The following FGF12 variants were observed in gnomAD, a reference collection of about 807,000 sequenced individuals.
The protein encoded by FGF12 is fibroblast growth factor 12B.
Under a neutral mutation model 23.6 loss-of-function variants are expected in FGF12, and 14 were observed. The observed-to-expected ratio is 0.59, with a 90% confidence interval of 0.39 to 0.93. FGF12 has a LOEUF of 0.93. Among genes scored for constraint, FGF12 ranks in the 40% least tolerant of loss-of-function variants. The probability of loss-of-function intolerance (pLI) is 0.00; values close to 1 mark genes in which losing one functional copy is unlikely to be tolerated. For missense variants in FGF12, 175 were observed against 217.8 expected (o/e 0.80, Z 1.24); for synonymous variants, 62 against 77.3 (o/e 0.80, Z 1.04).
chr3:192,498,668 T>C (rs1337184314), intron 2 of FGF12, among the ~76,000 whole-genome samples: 1 of 151,986 alleles, frequency 6.6e-6, no homozygotes, highest in African/African-American at 2.4e-5. Context: ...TGATTGAGTA[T>C]ATATTTGCTC....
At chr3:192,158,367 T>TTTCTTTCC (rs1714594201) in intron 5 of FGF12, among the ~76,000 whole-genome samples, 1 of 122,430 alleles carries the variant, frequency 8.2e-6, no homozygotes, top group African/African-American at 3.2e-5. Context: ...TCTTTCTTTC[T>TTTCTTTCC]TTCTTTCTTT....
chr3:192,449,508 G>A (rs1722460190), intron 2 of FGF12, among the ~76,000 whole-genome samples: 2 of 152,128 alleles, frequency 1.3e-5, no homozygotes, highest in Non-Finnish European at 2.9e-5. Flanking sequence ...ACCTGCCAGG[G>A]CTCACTTCCT....
At chr3:192,492,297 T>C (rs1441637525) in intron 2 of FGF12, among the ~76,000 whole-genome samples, 1 of 152,194 alleles carries the variant, frequency 6.6e-6, no homozygotes, top group Non-Finnish European at 1.5e-5. Context: ...GATTCATTCA[T>C]GTTTCTAACA....
intron 2 of FGF12, among the ~76,000 whole-genome samples, chr3:192,433,613 A>ACT (rs1265844437): frequency 6.6e-6 from 1 of 152,192 alleles, no homozygotes; most frequent in African/African-American, 2.4e-5. Flanking sequence ...CTCCAATGTG[A>ACT]CTAACTTATT....
At chr3:192,568,511 T>G (rs1254984110) in intron 2 of FGF12, among the ~76,000 whole-genome samples, 1 of 152,112 alleles carries the variant, frequency 6.6e-6, no homozygotes, top group Non-Finnish European at 1.5e-5. Context: ...GACCAGCCAA[T>G]GGTCACAGTC....
chr3:192,296,228 ATT>A (rs111520545), intron 4 of FGF12, among the ~76,000 whole-genome samples: 2 of 132,998 alleles, frequency 1.5e-5, no homozygotes, highest in African/African-American at 2.9e-5. Context: ...ATTTTATTTT[ATT>A]TTTTTTTTTT....
At chr3:192,560,680 A>G (rs1711983033) in intron 2 of FGF12, among the ~76,000 whole-genome samples, 1 of 152,186 alleles carries the variant, frequency 6.6e-6, no homozygotes, top group African/African-American at 2.4e-5. Context: ...TTTGTAAATT[A>G]AAAACCTTCT....
At chr3:192,436,074 C>T (rs2108793305) in intron 2 of FGF12, among the ~76,000 whole-genome samples, 1 of 152,268 alleles carries the variant, frequency 6.6e-6, no homozygotes, top group East Asian at 1.9e-4. Flanking sequence ...CACTTCACGC[C>T]AGGCCTCGTG....
chr3:192,382,429 C>T (rs1427630680), intron 2 of FGF12, among the ~76,000 whole-genome samples: 1 of 152,164 alleles, frequency 6.6e-6, no homozygotes, highest in East Asian at 1.9e-4. Flanking sequence ...AACCTAAACA[C>T]CATTGCACAA....
At chr3:192,682,825 G>T in intron 2 of FGF12, among the ~76,000 whole-genome samples, 1 of 152,288 alleles carries the variant, frequency 6.6e-6, no homozygotes, top group East Asian at 1.9e-4. Flanking sequence ...GAGGGAAGTT[G>T]TAGGTTGACT....
intron 4 of FGF12, among the ~76,000 whole-genome samples, chr3:192,174,018 C>T (rs1218848217): frequency 6.6e-6 from 1 of 152,218 alleles, no homozygotes; most frequent in African/African-American, 2.4e-5. Flanking sequence ...GGGCTCCTCG[C>T]TGCTGGTTCA....
At chr3:192,164,914 G>T (rs1715076765) in intron 5 of FGF12, among the ~76,000 whole-genome samples, 1 of 152,006 alleles carries the variant, frequency 6.6e-6, no homozygotes, top group Non-Finnish European at 1.5e-5. Flanking sequence ...CTTTATACCT[G>T]CCCTATGGAA....
intron 4 of FGF12, among the ~76,000 whole-genome samples, chr3:192,253,037 A>C (rs146248550): frequency 1.3e-5 from 2 of 152,180 alleles, no homozygotes; most frequent in African/African-American, 4.8e-5. Flanking sequence ...CAATGGATCC[A>C]GAGGTTATTT....
At chr3:192,549,037 G>A (rs2108583841) in intron 2 of FGF12, among the ~76,000 whole-genome samples, 1 of 152,234 alleles carries the variant, frequency 6.6e-6, no homozygotes, top group East Asian at 1.9e-4. Context: ...AGGCATTAAA[G>A]TGGATGTAAT....
chr3:192,498,719 TA>T (rs1409855372), intron 2 of FGF12, among the ~76,000 whole-genome samples: 2 of 152,222 alleles, frequency 1.3e-5, no homozygotes, highest in Non-Finnish European at 2.9e-5. Context: ...CCTTTAATAA[TA>T]GAAGTCAGTC....
chr3:192,279,812 G>A (rs1403658984), intron 4 of FGF12, among the ~76,000 whole-genome samples: 1 of 152,156 alleles, frequency 6.6e-6, no homozygotes, highest in East Asian at 1.9e-4. Context: ...TTTCCATGTC[G>A]ATTAAATTAA....
chr3:192,373,202 C>A (rs1345409363), intron 2 of FGF12, among the ~76,000 whole-genome samples: 1 of 152,018 alleles, frequency 6.6e-6, no homozygotes, highest in Non-Finnish European at 1.5e-5. Flanking sequence ...CTGTAGCATC[C>A]CTGAGGGTGA....
At position 192,350,767 on chromosome 3, in the gene FGF12, G is replaced by T. The variant is rs543865524; in HGVS notation, c.124+9661C>A. On this transcript the variant is annotated intron_variant, in intron 3 of 5. Coordinates refer to ENST00000445105, the MANE Select transcript of FGF12 (RefSeq NM_004113.6). Reference sequence around the variant, plus strand: ...GGTGAGATTATATAAAACGTTATTGGTCATAGGAAAAAGGTCATTGGCTTT... The same window carrying T: ...GGTGAGATTATATAAAACGTTATTGTTCATAGGAAAAAGGTCATTGGCTTT... Among the ~76,000 whole-genome samples, 5 of 152,250 alleles carry T rather than the reference G, an allele frequency of 3.3e-5. No homozygotes were observed. In the South Asian group the frequency reaches 1.0e-3, roughly 32 times the overall value.
At chr3:192,465,015 TTAATA>T (rs1722971511) in intron 2 of FGF12, among the ~76,000 whole-genome samples, 1 of 152,224 alleles carries the variant, frequency 6.6e-6, no homozygotes, top group Non-Finnish European at 1.5e-5. Context: ...TATGTTTTAA[TTAATA>T]TAACACAGTA....
Sources: gnomAD v4.1 joint callset for allele counts (sites outside exome capture counted in the v4.1 genomes callset) on GRCh38, gnomAD v4.1.1 for gene constraint, MANE v1.5 for transcripts, NCBI Gene and HGNC (gene_info 2026-07-23, HGNC 2026-07-21) for gene names.